Variants in SSH1 observed in about 807,000 individuals in gnomAD.
The protein encoded by SSH1 is slingshot protein phosphatase 1, also known as protein phosphatase Slingshot homolog 1.
Under a neutral mutation model 79.7 loss-of-function variants are expected in SSH1, and 43 were observed. That is an observed-to-expected ratio of 0.54 (90% CI 0.42 to 0.70). SSH1 has a LOEUF of 0.70. Ranked by LOEUF, SSH1 falls within the 30% of genes least tolerant of loss-of-function variation. The probability of loss-of-function intolerance (pLI) is 0.00; values close to 1 mark genes in which losing one functional copy is unlikely to be tolerated. For missense variants in SSH1, 1,206 were observed against 1,358.8 expected (o/e 0.89, Z 1.77); for synonymous variants, 599 against 538.3 (o/e 1.11, Z -1.56).
intron 2 of SSH1, among the ~76,000 whole-genome samples, chr12:108,842,183 T>C (rs2137262646): frequency 6.6e-6 from 1 of 152,276 alleles, no homozygotes; most frequent in South Asian, 2.1e-4. Flanking sequence ...ATTCTGATTT[T>C]CAAATCAAAC....
At chr12:108,806,093 A>G (rs1294193089) in intron 9 of SSH1, among the ~76,000 whole-genome samples, 2 of 152,234 alleles carry the variant, frequency 1.3e-5, no homozygotes, top group African/African-American at 4.8e-5. Context: ...CTCATAGCCG[A>G]TAAGCGGCAG....
At chr12:108,823,484 A>G (rs2038202918) in intron 2 of SSH1, 123 bp from the exon 3 acceptor site, 1 of 775,480 alleles carries the variant, frequency 1.3e-6, no homozygotes, top group East Asian at 2.7e-5. Flanking sequence ...AATAGGATGA[A>G]ACTGCTTTTA....
rs777312486 is a variant in SSH1, at chr12:108,811,319, G to A, written c.411C>T (p.Cys137=). Residue 137 remains cysteine, a synonymous_variant, in exon 6 of 15, where the codon TGC becomes TGT. Transcript: ENST00000326495. ...ACAGTCGGAGAACCATCCCAATGGT[G>A]CAGCTTTTACTGCGATGGGGGAGAG... ...VDFSSKESKS[C]TIGMVLRLWS... is the part of the protein sequence containing the mutation. The A allele has an allele frequency of 6.2e-6, 10 of 1,614,222 alleles. No individual in the cohort carries two copies. The South Asian group carries it at 9.9e-5, about 16-fold the overall frequency.
At chr12:108,816,952 T>C in intron 5 of SSH1, 86 bp downstream of exon 5, 1 of 1,590,272 alleles carries the variant, frequency 6.3e-7, no homozygotes, top group South Asian at 1.1e-5. Context: ...CTCCCACCTC[T>C]GATGGATATG....
rs996512355 is a variant in SSH1 at position 108,785,691 on chromosome 12, TAAGA to T, written c.*2293_*2296del. The T allele has an allele frequency of 6.6e-6, 1 of 152,126 alleles. No individual in the cohort carries two copies. Among genetic ancestry groups the T allele is most frequent in the Non-Finnish European group, 1.5e-5 (1 of 68,012 alleles). The allele number at this position is 152,126 out of a possible 1,614,324, so 9.4% of individuals were successfully genotyped here. A position where few individuals can be genotyped will look rare whatever the true frequency, so the allele number is the denominator to read the frequency against. ...ACACCCCACCCCCCAACTCTTTAGA[TAAGA>T]AAAATTATGGCTTTCAAAATTAAAG... is the stretch of plus-strand genomic sequence containing the variant. On this transcript the variant is annotated 3_prime_UTR_variant, in exon 15 of 15. Transcript: ENST00000326495.
At chr12:108,827,676 C>G in intron 2 of SSH1, 3 of 704,564 alleles carry the variant, frequency 4.3e-6, no homozygotes, top group Non-Finnish European at 5.6e-6. Context: ...GGTGTGCATT[C>G]GACATTGTGA....
At position 108,817,067 on chromosome 12, in the gene SSH1, C is replaced by A. The variant is rs1215468458; in HGVS notation, c.372G>T (p.Leu124Phe). ...CCTTACTGGAAAAGTCCACTCCCAG[C>A]AAGATATTCTCCTCGGTGTCCTGGC... ...SGRQDTEENI[L>F]LGVDFSSKES... Residue 124 changes from leucine to phenylalanine, a missense_variant, in exon 5 of 15, where the codon TTG becomes TTT. Coordinates refer to ENST00000326495, the MANE Select transcript of SSH1 (RefSeq NM_018984.4). 1 of 1,614,162 alleles carries A rather than the reference C, an allele frequency of 6.2e-7. No homozygotes were observed. The highest frequency in any genetic ancestry group is 1.3e-5 in the African/African-American group (1 of 75,060).
intron 1 of SSH1, 55 bp from the exon 2 acceptor site, chr12:108,852,733 G>A (rs377580694): frequency 2.2e-5 from 35 of 1,612,280 alleles, no homozygotes; most frequent in Admixed American, 5.0e-5. Flanking sequence ...AACACGCCTC[G>A]GGCGGCAGTC....
rs761955260 is a variant in SSH1, at chr12:108,783,573, C to T, written c.*4415G>A. On this transcript the variant is annotated 3_prime_UTR_variant, in exon 15 of 15. Transcript: ENST00000326495. ...TCCTGTCTGAGACAGTGACTGAAGC[C>T]GGGGCCCCAGCACCTATGGCCAAAC... is the stretch of plus-strand genomic sequence containing the variant. The T allele has an allele frequency of 4.6e-5, 7 of 152,172 alleles. No individual in the cohort carries two copies. Among genetic ancestry groups the T allele is most frequent in the South Asian group, 2.1e-4 (1 of 4,824 alleles). The allele number at this position is 152,172 out of a possible 1,614,324, so 9.4% of individuals were successfully genotyped here.
chr12:108,807,418 A>ATTTTTTTT lies in SSH1; in HGVS notation c.731+207_731+214dup, dbSNP rs35206418. 7.0e-6 allele frequency among the ~76,000 whole-genome samples: 1 copy of ATTTTTTTT among 143,450 alleles called. No homozygotes were observed. The highest frequency in any genetic ancestry group is 2.6e-5 in the African/African-American group (1 of 38,604). The allele number at this position is 143,450 out of a possible 152,430, so 94.1% of individuals were successfully genotyped here. A position where few individuals can be genotyped will look rare whatever the true frequency, so the allele number is the denominator to read the frequency against. ...AATGCATTCACCAAATTCATCAGTA[A>ATTTTTTTT]TTTTTTTTTTTTTTTTCTTTTTTTT... On this transcript the variant is annotated intron_variant, in intron 8 of 14. Coordinates refer to ENST00000326495, the MANE Select transcript of SSH1 (RefSeq NM_018984.4). This position sits in a 1 kb window ranked among gnomAD's most constrained non-coding sequence, Gnocchi z 5.2.
At chr12:108,848,545 T>C (rs770769630) in intron 2 of SSH1, among the ~76,000 whole-genome samples, 2 of 152,164 alleles carry the variant, frequency 1.3e-5, no homozygotes, top group African/African-American at 2.4e-5. Context: ...TATTCCATAA[T>C]TTTCTTCTCT....
intron 14 of SSH1, among the ~76,000 whole-genome samples, chr12:108,791,593 C>CA (rs1315691609): frequency 6.6e-6 from 1 of 152,010 alleles, no homozygotes; most frequent in African/African-American, 2.4e-5. Flanking sequence ...CTCATCTCTA[C>CA]AAAAAAATAG....
intron 3 of SSH1, among the ~76,000 whole-genome samples, chr12:108,821,174 G>A (rs1469690703): frequency 1.3e-5 from 2 of 152,048 alleles, no homozygotes; most frequent in Non-Finnish European, 2.9e-5. Flanking sequence ...GAGGCCAGGA[G>A]TTGGAGACCA....
intron 6 of SSH1, 145 bp downstream of exon 6, chr12:108,811,115 C>T (rs1350737474): frequency 1.3e-5 from 10 of 778,608 alleles, no homozygotes; most frequent in Admixed American, 4.0e-5. Context: ...CCCTCTCACT[C>T]GAGGGCAATA....
chr12:108,815,592 T>C (rs954503359), intron 5 of SSH1, among the ~76,000 whole-genome samples: 1 of 152,210 alleles, frequency 6.6e-6, no homozygotes, highest in Non-Finnish European at 1.5e-5. Context: ...GTACAGATAA[T>C]GGCCAAATAG....
chr12:108,802,421 C>A (rs2037053920), intron 10 of SSH1, 53 bp from the exon 11 acceptor site: 5 of 1,564,152 alleles, frequency 3.2e-6, no homozygotes, highest in Non-Finnish European at 4.4e-6. Flanking sequence ...AGCCTCAGAG[C>A]TGCTCAGGGG....
chr12:108,852,543 T>C, intron 2 of SSH1, 95 bp downstream of exon 2: 1 of 1,534,632 alleles, frequency 6.5e-7, no homozygotes, highest in Admixed American at 1.7e-5. Context: ...AATTGGCATA[T>C]TCTTTTTGAA....
intron 2 of SSH1, among the ~76,000 whole-genome samples, chr12:108,839,969 G>A (rs2038736161): frequency 6.6e-6 from 1 of 152,212 alleles, no homozygotes; most frequent in Admixed American, 6.5e-5. Context: ...AAGGCAGGTG[G>A]TGGGCCCAGG....
At position 108,807,579 on chromosome 12, in the gene SSH1, A is replaced by C. The variant is rs1168959917; in HGVS notation, c.731+54T>G. ...GGGTCGGGCACAGGGCAGGTGGGGG[A>C]GAGGCAGGTGCCTGTGGGCTTGGGT... On this transcript the variant is annotated intron_variant, in intron 8 of 14. Transcript: ENST00000326495. This position sits in a 1 kb window ranked among gnomAD's most constrained non-coding sequence, Gnocchi z 5.2. 1 of 1,574,014 alleles carries C rather than the reference A, an allele frequency of 6.4e-7. No individual in the cohort carries two copies. The highest frequency in any genetic ancestry group is 8.7e-7 in the Non-Finnish European group (1 of 1,147,064).
Sources: gnomAD v4.1 joint callset for allele counts (sites outside exome capture counted in the v4.1 genomes callset) on GRCh38, gnomAD v4.1.1 for gene constraint, Gnocchi (gnomAD v3.1) non-coding constraint, MANE v1.5 for transcripts, NCBI Gene and HGNC (gene_info 2026-07-23, HGNC 2026-07-21) for gene names.